RBMS3: variants seen among roughly 807,000 people sequenced by gnomAD.
RBMS3 encodes RNA binding motif single stranded interacting protein 3, also known as RNA-binding motif, single-stranded-interacting protein 3.
A neutral mutation model predicts 66.8 loss-of-function variants in RBMS3; 27 were observed. The ratio of observed to expected loss-of-function variants is 0.40; its 90% confidence interval spans 0.30 to 0.56. The LOEUF (loss-of-function observed/expected upper bound fraction) is 0.56. Among genes scored for constraint, RBMS3 ranks in the 20% least tolerant of loss-of-function variants. The pLI, the probability that RBMS3 is intolerant of heterozygous loss-of-function variation, is 0.40. For synonymous variants in RBMS3, 188 were observed against 183.0 expected (o/e 1.03, Z -0.22); for missense variants, 513 against 549.5 (o/e 0.93, Z 0.66).
intron 4 of RBMS3, among the ~76,000 whole-genome samples, chr3:29,730,171 TTTG>T (rs2054069707): frequency 6.6e-6 from 1 of 152,064 alleles, no homozygotes; most frequent in South Asian, 2.1e-4. Context: ...AAAAATAGTA[TTTG>T]TTGTTTATCA....
intron 6 of RBMS3, among the ~76,000 whole-genome samples, chr3:29,850,901 C>G (rs1053684367): frequency 6.6e-6 from 1 of 152,206 alleles, no homozygotes; most frequent in Non-Finnish European, 1.5e-5. Context: ...CCTCTCCCAT[C>G]ACCCTCCCCC....
At chr3:29,977,544 C>A (rs1268151622) in intron 12 of RBMS3, among the ~76,000 whole-genome samples, 3 of 151,998 alleles carry the variant, frequency 2.0e-5, no homozygotes, top group Non-Finnish European at 4.4e-5. Flanking sequence ...TTTCTTCACA[C>A]AACACCGTGG....
At chr3:29,519,620 G>GTTTGGTTTCTATCT (rs1250777360) in intron 3 of RBMS3, among the ~76,000 whole-genome samples, 1 of 152,102 alleles carries the variant, frequency 6.6e-6, no homozygotes, top group Non-Finnish European at 1.5e-5. Context: ...TTCTTTTGCT[G>GTTTGGTTTCTATCT]TTTGGTTTCT....
At chr3:29,950,219 GT>G (rs1282908241) in intron 12 of RBMS3, among the ~76,000 whole-genome samples, 2 of 151,834 alleles carry the variant, frequency 1.3e-5, no homozygotes, top group African/African-American at 4.8e-5. Flanking sequence ...ACGACGCTTA[GT>G]GATGCAGCAC....
chr3:29,654,407 A>G (rs1486881281), intron 4 of RBMS3, among the ~76,000 whole-genome samples: 1 of 152,014 alleles, frequency 6.6e-6, no homozygotes, highest in Non-Finnish European at 1.5e-5. Flanking sequence ...TAATTGATGA[A>G]TGAGGGATAT....
intron 12 of RBMS3, among the ~76,000 whole-genome samples, chr3:29,946,288 T>C (rs187108050): frequency 6.6e-6 from 1 of 151,796 alleles, no homozygotes; most frequent in Non-Finnish European, 1.5e-5. Context: ...CATTGTAATA[T>C]CTCCTTCCCA....
chr3:29,310,161 A>G (rs2034285853), intron 1 of RBMS3, among the ~76,000 whole-genome samples: 1 of 151,744 alleles, frequency 6.6e-6, no homozygotes, highest in African/African-American at 2.4e-5. Flanking sequence ...AACCTAATCC[A>G]TAATCACTTC....
At chr3:29,659,206 A>G (rs939084500) in intron 4 of RBMS3, among the ~76,000 whole-genome samples, 10 of 152,014 alleles carry the variant, frequency 6.6e-5, no homozygotes, top group African/African-American at 2.4e-4. Flanking sequence ...TTTTTTTCCA[A>G]TTTTTTATAT....
Position 29,965,506 on chromosome 3 carries a change from G to T in RBMS3, c.1098+21252G>T, listed in dbSNP as rs186147359. Among the ~76,000 whole-genome samples the T allele has an allele frequency of 3.3e-5, 5 of 152,100 alleles. No individual in the cohort carries two copies. In the East Asian group the frequency reaches 7.7e-4, roughly 24 times the overall value. The stretch of plus-strand genomic sequence containing the variant: ...ATTTTGAGCATTTTTTCACATGTTT[G>T]TTGGCCATTTGTATATCTTCTTTTG... On this transcript the variant is annotated intron_variant, in intron 12 of 14. Coordinates refer to ENST00000383767, the MANE Select transcript of RBMS3 (RefSeq NM_001003793.3).
chr3:29,919,405 G>T (rs1399000624), intron 10 of RBMS3, among the ~76,000 whole-genome samples: 3 of 152,296 alleles, frequency 2.0e-5, no homozygotes, highest in African/African-American at 7.2e-5. Context: ...AGCTTTCCTG[G>T]AGGAGAAATG....
chr3:29,542,631 G>A (rs2045808134), intron 3 of RBMS3, among the ~76,000 whole-genome samples: 1 of 152,180 alleles, frequency 6.6e-6, no homozygotes, highest in African/African-American at 2.4e-5. Context: ...AAAGTGCTGG[G>A]ATTGCAGGTG....
chr3:29,746,317 A>G (rs914066524), intron 5 of RBMS3, among the ~76,000 whole-genome samples: 2 of 152,142 alleles, frequency 1.3e-5, no homozygotes, highest in African/African-American at 4.8e-5. Context: ...TGCCGTTACT[A>G]TTTTAAACAC....
intron 12 of RBMS3, among the ~76,000 whole-genome samples, chr3:29,985,205 C>T (rs1026889713): frequency 5.9e-5 from 9 of 152,178 alleles, no homozygotes; most frequent in African/African-American, 9.7e-5. Flanking sequence ...CTGCTCAAGC[C>T]TCAGTAAGGG....
Position 29,920,876 on chromosome 3 carries a change from C to T in RBMS3, c.940-15210C>T, listed in dbSNP as rs550262908. Among the ~76,000 whole-genome samples the T allele has an allele frequency of 2.0e-5, 3 of 148,496 alleles. No homozygotes were observed. In the East Asian group the frequency reaches 6.0e-4, roughly 30 times the overall value. On this transcript the variant is annotated intron_variant, in intron 10 of 14. Coordinates refer to ENST00000383767, the MANE Select transcript of RBMS3 (RefSeq NM_001003793.3). The stretch of plus-strand genomic sequence containing the variant: ...CTCAAAAAAAAAAAAAAAAAAACCT[C>T]AGATATGATTATAAACCAGTGAAGC...
At chr3:29,833,498 C>G (rs534436238) in intron 6 of RBMS3, among the ~76,000 whole-genome samples, 2 of 151,834 alleles carry the variant, frequency 1.3e-5, no homozygotes, top group Non-Finnish European at 2.9e-5. Context: ...AAATTATGAG[C>G]GAAACCAACA....
At chr3:29,943,422 A>C (rs1480531197) in intron 11 of RBMS3, among the ~76,000 whole-genome samples, 3 of 151,844 alleles carry the variant, frequency 2.0e-5, no homozygotes, top group Non-Finnish European at 4.4e-5. Context: ...CCCTGGCTAA[A>C]GAAATTGCAG....
intron 4 of RBMS3, chr3:29,698,486 T>C: frequency 1.0e-6 from 1 of 985,398 alleles, no homozygotes; most frequent in Non-Finnish European, 1.2e-6. Context: ...TTCTCAGCAC[T>C]CTTTGTTTAT....
intron 11 of RBMS3, 32 bp from the exon 12 acceptor site, chr3:29,944,175 T>A: frequency 6.5e-7 from 1 of 1,543,354 alleles, no homozygotes; most frequent in African/African-American, 1.4e-5. Flanking sequence ...TGTACTTCAT[T>A]GCATTCTTTC....
At chr3:29,532,056 T>G (rs1260667703) in intron 3 of RBMS3, among the ~76,000 whole-genome samples, 1 of 151,922 alleles carries the variant, frequency 6.6e-6, no homozygotes, top group Non-Finnish European at 1.5e-5. Flanking sequence ...CTGATAACAT[T>G]GCAGCCATTC....
Sources: allele counts gnomAD v4.1 joint callset (sites outside exome capture counted in the v4.1 genomes callset), GRCh38; gene constraint gnomAD v4.1.1; transcripts MANE v1.5; gene names NCBI Gene and HGNC (gene_info 2026-07-23, HGNC 2026-07-21).